UBR1: variants seen among roughly 807,000 people sequenced by gnomAD.
UBR1 encodes ubiquitin protein ligase E3 component n-recognin 1, also known as E3 ubiquitin-protein ligase UBR1.
UBR1 carries 102 observed loss-of-function variants against 242.1 expected under a neutral mutation model. The ratio of observed to expected loss-of-function variants is 0.42; its 90% CI spans 0.36 to 0.50. The LOEUF (loss-of-function observed/expected upper bound fraction) is 0.50. UBR1 is among the 20% of genes least tolerant of loss of function. The pLI is 0.01. For synonymous variants in UBR1, 675 were observed against 684.8 expected, an observed-to-expected ratio of 0.99 and a Z score of 0.22; for missense variants, 1,772 against 2,101.8, an observed-to-expected ratio of 0.84 and a Z score of 3.07.
At chr15:42,989,067 T>C in intron 34 of UBR1, 100 bp from the exon 35 acceptor site, 1 of 1,019,248 alleles carries the variant, frequency 9.8e-7, no homozygotes, top group Non-Finnish European at 1.5e-6. Flanking sequence ...TTAACTGCTT[T>C]CAACATAAGT....
intron 3 of UBR1, among the ~76,000 whole-genome samples, chr15:43,076,683 A>C (rs1335208483): frequency 7.8e-6 from 1 of 128,692 alleles, no homozygotes; most frequent in Non-Finnish European, 1.7e-5. Flanking sequence ...GCCCCGTCTG[A>C]GAAGTGAGGA....
At chr15:43,026,695 A>G in intron 22 of UBR1, 32 bp from the exon 23 acceptor site, 1 of 1,545,104 alleles carries the variant, frequency 6.5e-7, no homozygotes, top group East Asian at 2.3e-5. Flanking sequence ...GATGAACTGC[A>G]GTGTTCTTGA....
rs576601670 is a variant in UBR1, at chr15:43,096,533, G to T, written c.81+9409C>A. 1.2e-4 allele frequency among the ~76,000 whole-genome samples: 18 copies of T among 152,292 alleles called. No homozygotes were observed. In the South Asian group the frequency reaches 2.5e-3, roughly 21 times the overall value. On this transcript the variant is annotated intron_variant, in intron 1 of 46. Transcript: ENST00000290650. The stretch of plus-strand genomic sequence containing the variant: ...TGACCTTTTCACAAAAGATTTCTCT[G>T]TAGCATGTGATAGCATGTTACCAAT...
rs767415187 is a variant in UBR1 at position 43,003,916 on chromosome 15, G to A, written c.3430C>T (p.Leu1144Phe). The change falls in exon 31 of 47, where the codon CTT becomes TTT. Residue 1144 changes from leucine (L) to phenylalanine (F), a missense_variant. This residue lies in a region of UBR1 where 965 missense variants were observed against 1,079.7 expected (regional missense o/e 0.89). Transcript: ENST00000290650. ...TATGCCAAGTCTGGATCCATGAAAA[G>A]TGGGTCTAGGGCTTCTGGTACAAGG... ...IELSGEALDP[L>F]FMDPDLAYGT... The A allele has an allele frequency of 1.9e-5, 30 of 1,614,110 alleles. No homozygotes were observed. The highest frequency in any genetic ancestry group is 2.5e-5 in the Non-Finnish European group (29 of 1,180,006).
chr15:43,015,375 T>C (rs915415969), intron 29 of UBR1, among the ~76,000 whole-genome samples: 1 of 152,066 alleles, frequency 6.6e-6, no homozygotes, highest in Non-Finnish European at 1.5e-5. Context: ...ACATGTGCTG[T>C]GTCCACTCAG....
intron 32 of UBR1, 124 bp downstream of exon 32, chr15:43,002,431 G>A: frequency 9.1e-7 from 1 of 1,097,424 alleles, no homozygotes; most frequent in South Asian, 1.4e-5. Context: ...ATGTTACCCA[G>A]GCTGGTCTCG....
intron 46 of UBR1, among the ~76,000 whole-genome samples, chr15:42,949,686 C>G (rs1426482768): frequency 6.6e-6 from 1 of 151,128 alleles, no homozygotes; most frequent in African/African-American, 2.4e-5. Context: ...GTAGTCCCAG[C>G]TACTCGGGAG....
chr15:43,069,410 G>A (rs1235809400), intron 5 of UBR1, among the ~76,000 whole-genome samples: 2 of 151,840 alleles, frequency 1.3e-5, no homozygotes, highest in East Asian at 3.9e-4. Context: ...CCAAGCAGCT[G>A]GGACCACGGG....
At chr15:42,971,716 G>C (rs953243065) in intron 39 of UBR1, among the ~76,000 whole-genome samples, 1 of 152,110 alleles carries the variant, frequency 6.6e-6, no homozygotes, top group East Asian at 1.9e-4. Flanking sequence ...AAATGTAAGA[G>C]AGTTCAATAA....
At chr15:43,069,222 T>C (rs986836052) in intron 5 of UBR1, among the ~76,000 whole-genome samples, 1 of 152,082 alleles carries the variant, frequency 6.6e-6, no homozygotes, top group Non-Finnish European at 1.5e-5. Context: ...TTCAAGAGTG[T>C]TATGAGGATC....
intron 15 of UBR1, 53 bp from the exon 16 acceptor site, chr15:43,038,285 C>T: frequency 6.5e-7 from 1 of 1,547,838 alleles, no homozygotes; most frequent in Non-Finnish European, 8.9e-7. Flanking sequence ...AATTTGTTAA[C>T]TAGTTAACTC....
chr15:43,075,617 A>ATT (rs776345905), intron 3 of UBR1, among the ~76,000 whole-genome samples: 1 of 140,984 alleles, frequency 7.1e-6, no homozygotes, highest in Non-Finnish European at 1.6e-5. Flanking sequence ...GAGTGATAAG[A>ATT]TTTTTTTTTT....
rs536390085 is a variant in UBR1 at position 43,012,449 on chromosome 15, A to C, written c.3209+3239T>G. On this transcript the variant is annotated intron_variant, in intron 29 of 46. Coordinates refer to ENST00000290650, the MANE Select transcript of UBR1 (RefSeq NM_174916.3). ...AATTTGTAATCATGGTTATGTGTGGAGAAAGATCAGTAATGCAGAGATGGT... is the reference window on the plus strand; with the variant it reads ...AATTTGTAATCATGGTTATGTGTGGCGAAAGATCAGTAATGCAGAGATGGT... 4.6e-5 allele frequency among the ~76,000 whole-genome samples: 7 copies of C among 152,342 alleles called. 1 individual carries two copies. The South Asian group carries it at 1.4e-3, about 32-fold the overall frequency.
intron 35 of UBR1, among the ~76,000 whole-genome samples, chr15:42,987,144 G>T (rs1035512496): frequency 6.6e-6 from 1 of 152,232 alleles, no homozygotes; most frequent in African/African-American, 2.4e-5. Context: ...TAGCCACAGG[G>T]GCGGCTTTGC....
At chr15:43,021,513 T>C (rs2033110508) in intron 26 of UBR1, 138 bp from the exon 27 acceptor site, 1 of 742,266 alleles carries the variant, frequency 1.3e-6, no homozygotes, top group African/African-American at 1.7e-5. Flanking sequence ...GTGTAGTATT[T>C]GCATAAAATC....
At chr15:42,961,869 C>G (rs1182388404) in intron 42 of UBR1, among the ~76,000 whole-genome samples, 3 of 151,864 alleles carry the variant, frequency 2.0e-5, no homozygotes, top group Non-Finnish European at 4.4e-5. Flanking sequence ...ATTCTCCTGC[C>G]TCAGCCTCTT....
chr15:43,033,977 C>G (rs1485495020), intron 19 of UBR1, among the ~76,000 whole-genome samples: 1 of 152,062 alleles, frequency 6.6e-6, no homozygotes, highest in Non-Finnish European at 1.5e-5. Context: ...TAGTGGCTCA[C>G]GCCTGTGATC....
chr15:42,983,525 C>T (rs1227393005), intron 37 of UBR1, among the ~76,000 whole-genome samples: 3 of 151,238 alleles, frequency 2.0e-5, no homozygotes, highest in Non-Finnish European at 2.9e-5. Flanking sequence ...ATTGGCTGGG[C>T]GTGGTTGCGG....
chr15:43,040,382 A>G (rs1402149050), intron 15 of UBR1, among the ~76,000 whole-genome samples: 1 of 152,226 alleles, frequency 6.6e-6, no homozygotes, highest in Non-Finnish European at 1.5e-5. Flanking sequence ...GGTGCTGGGA[A>G]AACTGGCTAG....
Sources: gnomAD v4.1 joint callset for allele counts (sites outside exome capture counted in the v4.1 genomes callset) on GRCh38, gnomAD v4.1.1 for gene constraint, gnomAD v4.1.1 regional missense constraint, MANE v1.5 for transcripts, NCBI Gene and HGNC (gene_info 2026-07-23, HGNC 2026-07-21) for gene names.